Variants in ANKMY2 observed in about 807,000 individuals in gnomAD.
ANKMY2 encodes the protein ankyrin repeat and MYND domain containing 2.
A neutral mutation model predicts 50.4 loss-of-function variants in ANKMY2; 36 were observed. The observed-to-expected ratio is 0.71, with a 90% CI of 0.55 to 0.94. The LOEUF is 0.94. ANKMY2 is among the 40% of genes least tolerant of loss of function. The probability of loss-of-function intolerance (pLI) is 0.00; values close to 1 mark genes in which losing one functional copy is unlikely to be tolerated. For missense variants in ANKMY2, 565 were observed against 524.0 expected, an observed-to-expected ratio of 1.08 and a Z score of -0.76; for synonymous variants, 187 against 178.8, an observed-to-expected ratio of 1.05 and a Z score of -0.36.
chr7:16,606,967 G>C (rs1781171381), intron 7 of ANKMY2, among the ~76,000 whole-genome samples: 1 of 152,164 alleles, frequency 6.6e-6, no homozygotes. Context: ...CATTAGCACT[G>C]TCAGAAAACA....
chr7:16,625,115 T>C (rs1390504930), intron 3 of ANKMY2, 34 bp from the exon 4 acceptor site: 1 of 1,531,420 alleles, frequency 6.5e-7, no homozygotes, highest in Non-Finnish European at 9.0e-7. Context: ...TTGTTAATGT[T>C]AAGGAGGACA....
intron 2 of ANKMY2, among the ~76,000 whole-genome samples, chr7:16,628,355 T>A (rs1781534644): frequency 6.6e-6 from 1 of 152,196 alleles, no homozygotes; most frequent in Non-Finnish European, 1.5e-5. Context: ...GAGACGAGAA[T>A]GATAGAGAGG....
At chr7:16,624,674 T>C (rs1285810500) in intron 4 of ANKMY2, among the ~76,000 whole-genome samples, 1 of 152,188 alleles carries the variant, frequency 6.6e-6, no homozygotes, top group Non-Finnish European at 1.5e-5. Context: ...ATTACTGACT[T>C]CTCGGTTAGC....
intron 4 of ANKMY2, among the ~76,000 whole-genome samples, chr7:16,621,439 A>G (rs1171837608): frequency 6.6e-6 from 1 of 152,238 alleles, no homozygotes; most frequent in Non-Finnish European, 1.5e-5. Context: ...ACTTACCACA[A>G]AGGTGGTATT....
chr7:16,610,140 G>T (rs1234919798), intron 6 of ANKMY2, among the ~76,000 whole-genome samples: 1 of 152,094 alleles, frequency 6.6e-6, no homozygotes, highest in Non-Finnish European at 1.5e-5. Flanking sequence ...ATCTCTGGTG[G>T]TCAGAGAAGC....
intron 5 of ANKMY2, among the ~76,000 whole-genome samples, chr7:16,612,237 C>T (rs2128342710): frequency 6.6e-6 from 1 of 152,236 alleles, no homozygotes; most frequent in South Asian, 2.1e-4. Context: ...TTTCTTTAGG[C>T]ATGAAAAAAG....
intron 2 of ANKMY2, among the ~76,000 whole-genome samples, chr7:16,628,691 T>C (rs898697075): frequency 4.6e-5 from 7 of 151,948 alleles, no homozygotes; most frequent in African/African-American, 1.7e-4. Flanking sequence ...TGAGGGGTGG[T>C]AGGGGAAGGA....
chr7:16,634,351 G>A (rs912760653), intron 2 of ANKMY2, among the ~76,000 whole-genome samples: 3 of 152,114 alleles, frequency 2.0e-5, no homozygotes, highest in Non-Finnish European at 2.9e-5. Flanking sequence ...AACTGAATTG[G>A]CTCCTGCAAT....
chr7:16,609,264 C>T (rs1781207689), intron 7 of ANKMY2, among the ~76,000 whole-genome samples: 1 of 152,114 alleles, frequency 6.6e-6, no homozygotes, highest in African/African-American at 2.4e-5. Context: ...CCTAGGTGAT[C>T]AATTCATACT....
Position 16,622,726 on chromosome 7 carries a change from C to T in ANKMY2, c.370+2257G>A, listed in dbSNP as rs574355321. 8.1e-5 allele frequency among the ~76,000 whole-genome samples: 12 copies of T among 148,992 alleles called. No individual in the cohort carries two copies. The East Asian group carries it at 1.6e-3, about 20-fold the overall frequency. ...CTGCACTCCAGCCTGGGCGACAGGG[C>T]GAGACTCCATCTCAAAAATAAATGA... On this transcript the variant is annotated intron_variant, in intron 4 of 9. Coordinates refer to ENST00000306999, the MANE Select transcript of ANKMY2 (RefSeq NM_020319.3).
intron 6 of ANKMY2, among the ~76,000 whole-genome samples, chr7:16,610,092 T>C (rs1217725247): frequency 6.6e-6 from 1 of 152,176 alleles, no homozygotes; most frequent in Non-Finnish European, 1.5e-5. Flanking sequence ...CCCTTCAGAC[T>C]TAGTTCCCTT....
chr7:16,644,859 C>T (rs1416293057), intron 1 of ANKMY2: 1 of 383,838 alleles, frequency 2.6e-6, no homozygotes, highest in South Asian at 1.9e-5. Flanking sequence ...ATTAGAAGGT[C>T]TCATCTGTGC....
chr7:16,619,276 C>T (rs1489222108), intron 4 of ANKMY2, among the ~76,000 whole-genome samples: 1 of 151,932 alleles, frequency 6.6e-6, no homozygotes, highest in African/African-American at 2.4e-5. Flanking sequence ...GCCTCAGCCT[C>T]CCGAGTAGCT....
At chr7:16,642,121 GAA>G (rs925921041) in intron 1 of ANKMY2, among the ~76,000 whole-genome samples, 1 of 142,054 alleles carries the variant, frequency 7.0e-6, no homozygotes. Context: ...ACACAGATAT[GAA>G]AAAAAAAAAG....
intron 2 of ANKMY2, among the ~76,000 whole-genome samples, chr7:16,631,700 C>A (rs187708916): frequency 7.9e-5 from 12 of 151,776 alleles, no homozygotes; most frequent in African/African-American, 2.7e-4. Flanking sequence ...CTGCAACTTC[C>A]GCCTCCAGGG....
chr7:16,616,875 C>G (rs1273869581), intron 4 of ANKMY2, among the ~76,000 whole-genome samples: 2 of 152,212 alleles, frequency 1.3e-5, no homozygotes, highest in Non-Finnish European at 2.9e-5. Context: ...CTGCCGACAA[C>G]AGGTGACCTG....
At chr7:16,606,168 C>T (rs952838493) in intron 7 of ANKMY2, among the ~76,000 whole-genome samples, 12 of 151,900 alleles carry the variant, frequency 7.9e-5, no homozygotes, top group Non-Finnish European at 1.0e-4. Flanking sequence ...TGGTGGCTAG[C>T]GCCTGTAATC....
chr7:16,605,144 A>G (rs1781131986), intron 7 of ANKMY2, among the ~76,000 whole-genome samples: 1 of 152,252 alleles, frequency 6.6e-6, no homozygotes, highest in African/African-American at 2.4e-5. Flanking sequence ...GTAAGCCCAT[A>G]GCGTTTCAGA....
chr7:16,645,385 T>C (rs967785539), intron 1 of ANKMY2, 122 bp downstream of exon 1: 62 of 956,228 alleles, frequency 6.5e-5, no homozygotes, highest in Non-Finnish European at 7.5e-6. Context: ...TCTTTCCCGG[T>C]TCCAGGCTGC....
Sources: gnomAD v4.1 joint callset for allele counts (sites outside exome capture counted in the v4.1 genomes callset) on GRCh38, gnomAD v4.1.1 for gene constraint, MANE v1.5 for transcripts, NCBI Gene and HGNC (gene_info 2026-07-23, HGNC 2026-07-21) for gene names.